The following SNTG1 variants were observed in gnomAD, a reference collection of about 807,000 sequenced individuals.
SNTG1 encodes gamma-1-syntrophin.
SNTG1 carries 39 observed loss-of-function variants against 74.7 expected under a neutral mutation model. The observed-to-expected ratio is 0.52, with a 90% CI of 0.40 to 0.68. The LOEUF is 0.68. Ranked by LOEUF, SNTG1 falls within the 30% of genes least tolerant of loss-of-function variation. The probability of loss-of-function intolerance (pLI) is 0.00; values close to 1 mark genes in which losing one functional copy is unlikely to be tolerated. For missense variants in SNTG1, 685 were observed against 609.5 expected (o/e 1.12, Z -1.30); for synonymous variants, 254 against 217.1 (o/e 1.17, Z -1.49).
At chr8:50,287,658 T>G (rs534879614) in intron 2 of SNTG1, among the ~76,000 whole-genome samples, 4 of 152,248 alleles carry the variant, frequency 2.6e-5, no homozygotes, top group Admixed American at 6.5e-5. Context: ...CAACCTGTCT[T>G]CCTGCTTCCA....
chr8:50,209,004 G>A (rs918266943), intron 2 of SNTG1, among the ~76,000 whole-genome samples: 1 of 152,144 alleles, frequency 6.6e-6, no homozygotes, highest in Admixed American at 6.5e-5. Flanking sequence ...GTGACAGATG[G>A]TGCCTGGAAA....
intron 13 of SNTG1, among the ~76,000 whole-genome samples, chr8:50,630,594 T>C (rs1305866106): frequency 2.0e-5 from 3 of 152,176 alleles, no homozygotes; most frequent in Non-Finnish European, 4.4e-5. Context: ...ATATAAATAC[T>C]ACAGAAACAC....
At chr8:49,917,209 A>G (rs1032954319) in intron 1 of SNTG1, among the ~76,000 whole-genome samples, 14 of 152,052 alleles carry the variant, frequency 9.2e-5, no homozygotes, top group African/African-American at 3.4e-4. Context: ...ACTTGGGTAA[A>G]TCACTTTATC....
intron 2 of SNTG1, among the ~76,000 whole-genome samples, chr8:50,384,674 T>C (rs1170958149): frequency 6.6e-6 from 1 of 152,084 alleles, no homozygotes; most frequent in Non-Finnish European, 1.5e-5. Flanking sequence ...TGCAGAACCA[T>C]CTCTAACCCA....
intron 2 of SNTG1, among the ~76,000 whole-genome samples, chr8:50,308,519 C>T (rs1178276397): frequency 4.6e-5 from 7 of 152,056 alleles, no homozygotes; most frequent in African/African-American, 1.7e-4. Context: ...ATAAACCACT[C>T]TTCTCATTTT....
In SNTG1 at chr8:50,198,008, T is replaced by G. The variant is rs139042322; in HGVS notation, c.-28+25373T>G. Among the ~76,000 whole-genome samples the G allele has an allele frequency of 3.8e-3, 585 of 152,306 alleles. 6 individuals carry two copies. Among genetic ancestry groups the G allele is most frequent in the African/African-American group, 0.013 (555 of 41,570 alleles). On this transcript the variant is annotated intron_variant, in intron 2 of 18. Transcript: ENST00000642720. ...CTTAAATCTCTCTCTTGTGTTCTGT[T>G]GGTGTCCACTTCCCTACCAATGTCA...
intron 1 of SNTG1, chr8:49,915,000 G>A (rs1805895487): frequency 6.6e-6 from 1 of 152,172 alleles, no homozygotes; most frequent in South Asian, 2.1e-4. Flanking sequence ...CATAGCATGT[G>A]TTGGAAGAGA....
chr8:50,455,347 T>C (rs1477019955), intron 8 of SNTG1, among the ~76,000 whole-genome samples: 2 of 152,228 alleles, frequency 1.3e-5, no homozygotes, highest in South Asian at 4.1e-4. Context: ...AAAAATATGT[T>C]CATCTGCTTT....
chr8:50,606,975 T>C (rs2130962103), intron 13 of SNTG1, among the ~76,000 whole-genome samples: 1 of 152,080 alleles, frequency 6.6e-6, no homozygotes, highest in Non-Finnish European at 1.5e-5. Flanking sequence ...GACTCAATTT[T>C]CTAAAATAAG....
At chr8:50,560,487 G>T (rs1159723694) in intron 12 of SNTG1, among the ~76,000 whole-genome samples, 1 of 152,194 alleles carries the variant, frequency 6.6e-6, no homozygotes, top group Admixed American at 6.5e-5. Flanking sequence ...ATAAATAGTA[G>T]ATTGAATAAA....
At chr8:50,449,187 A>C (rs4873458) in intron 5 of SNTG1, among the ~76,000 whole-genome samples, 2 of 152,098 alleles carry the variant, frequency 1.3e-5, no homozygotes. Context: ...TGAATCCCTC[A>C]TTTTTCATGC....
At chr8:49,974,129 A>C (rs541993713) in intron 1 of SNTG1, among the ~76,000 whole-genome samples, 37 of 152,324 alleles carry the variant, frequency 2.4e-4, no homozygotes, top group Admixed American at 7.8e-4. Context: ...CAAATCATCC[A>C]GCTTCCTTAT....
chr8:50,313,413 T>G lies in SNTG1; in HGVS notation c.-27-80799T>G, dbSNP rs974701162. The stretch of plus-strand genomic sequence containing the variant: ...TAGAGAAAAATATTTGCAAATTGTA[T>G]GCTGATAAGGGGTTAATATTCAAAA... On this transcript the variant is annotated intron_variant, in intron 2 of 18. Transcript: ENST00000642720. Among the ~76,000 whole-genome samples the G allele has an allele frequency of 4.0e-5, 6 of 149,920 alleles. 1 individual carries two copies. The South Asian group carries it at 6.6e-4, about 17-fold the overall frequency.
At chr8:50,569,269 C>A (rs1308321926) in intron 12 of SNTG1, among the ~76,000 whole-genome samples, 1 of 152,084 alleles carries the variant, frequency 6.6e-6, no homozygotes, top group Admixed American at 6.6e-5. Context: ...GATAGCCAGT[C>A]CCTCTGTGGG....
Position 50,005,343 on chromosome 8 carries a change from G to T in SNTG1, c.-103+93112G>T, listed in dbSNP as rs543607028. Reference sequence around the variant, plus strand: ...TAAATATAAATTATCTTTACAGAAAGATTATTTACCTTTAATTGAACATAT... The same window carrying T: ...TAAATATAAATTATCTTTACAGAAATATTATTTACCTTTAATTGAACATAT... On this transcript the variant is annotated intron_variant, in intron 1 of 18. Coordinates refer to ENST00000642720, the MANE Select transcript of SNTG1 (RefSeq NM_018967.5). Among the ~76,000 whole-genome samples, 24 of 151,740 alleles carry T rather than the reference G, an allele frequency of 1.6e-4. No homozygotes were observed. In the East Asian group the frequency reaches 3.5e-3, roughly 22 times the overall value.
intron 1 of SNTG1, among the ~76,000 whole-genome samples, chr8:50,028,121 A>G (rs771129724): frequency 3.9e-5 from 6 of 152,118 alleles, no homozygotes; most frequent in Non-Finnish European, 7.4e-5. Flanking sequence ...ATACACAGTC[A>G]CACCCACCCA....
At chr8:49,971,233 A>G (rs1811640586) in intron 1 of SNTG1, among the ~76,000 whole-genome samples, 1 of 152,040 alleles carries the variant, frequency 6.6e-6, no homozygotes, top group Non-Finnish European at 1.5e-5. Flanking sequence ...ATCAATAAAC[A>G]ATCCAGCATA....
chr8:50,616,687 C>A (rs1331366058), intron 13 of SNTG1, among the ~76,000 whole-genome samples: 2 of 152,158 alleles, frequency 1.3e-5, no homozygotes, highest in African/African-American at 4.8e-5. Context: ...CAAGATGTCA[C>A]CAGTGTAGTG....
chr8:50,067,120 A>G (rs1243043017), intron 1 of SNTG1, among the ~76,000 whole-genome samples: 2 of 152,188 alleles, frequency 1.3e-5, no homozygotes. Flanking sequence ...CTTATGAAAG[A>G]CATCAAAGGT....
Sources: gnomAD v4.1 joint callset for allele counts (sites outside exome capture counted in the v4.1 genomes callset) on GRCh38, gnomAD v4.1.1 for gene constraint, MANE v1.5 for transcripts, NCBI Gene and HGNC (gene_info 2026-07-23, HGNC 2026-07-21) for gene names.